Variants in CCDC178 observed in about 807,000 individuals in gnomAD.
The protein encoded by CCDC178 is coiled-coil domain-containing protein 178.
In CCDC178, 126 loss-of-function variants were observed where a neutral mutation model predicts 117.4. That is an observed-to-expected ratio of 1.07 (90% CI 0.93 to 1.24). CCDC178 has a LOEUF of 1.24. Ranked by LOEUF, CCDC178 falls within the 50% of genes most tolerant of loss-of-function variation. The pLI, the probability that CCDC178 is intolerant of heterozygous loss-of-function variation, is 0.00. For synonymous variants in CCDC178, 283 were observed against 313.4 expected, an observed-to-expected ratio of 0.90 and a Z score of 1.02; for missense variants, 1,030 against 986.9, an observed-to-expected ratio of 1.04 and a Z score of -0.59.
chr18:33,168,371 T>C (rs2058558283), intron 20 of CCDC178, among the ~76,000 whole-genome samples: 1 of 152,148 alleles, frequency 6.6e-6, no homozygotes, highest in African/African-American at 2.4e-5. Flanking sequence ...TTTTGTCTAT[T>C]TTGTCGAAGA....
In CCDC178 at chr18:33,439,984, T is replaced by G. The variant is rs2064355802; in HGVS notation, c.-45A>C. 6.6e-6 allele frequency: 1 copy of G among 152,192 alleles called. No individual in the cohort carries two copies. Among genetic ancestry groups the G allele is most frequent in the Non-Finnish European group, 1.5e-5 (1 of 68,052 alleles). The allele number at this position is 152,192 out of a possible 1,614,324, so 9.4% of individuals were successfully genotyped here. ...CACCTGTAAAGGGGAGGTGTTGGCGTGGATCATCTTATTTGGGGTGCTTTC... is the reference window on the plus strand; with the variant it reads ...CACCTGTAAAGGGGAGGTGTTGGCGGGGATCATCTTATTTGGGGTGCTTTC... On this transcript the variant is annotated 5_prime_UTR_variant, in exon 2 of 23. Coordinates refer to ENST00000383096, the MANE Select transcript of CCDC178 (RefSeq NM_001105528.4).
At chr18:33,236,423 T>C (rs1479950340) in intron 15 of CCDC178, among the ~76,000 whole-genome samples, 1 of 152,170 alleles carries the variant, frequency 6.6e-6, no homozygotes, top group Non-Finnish European at 1.5e-5. Flanking sequence ...ATGTGTATAT[T>C]ATAGAAGTTT....
At chr18:33,291,626 T>C (rs553035077) in intron 12 of CCDC178, among the ~76,000 whole-genome samples, 208 of 152,284 alleles carry the variant, frequency 1.4e-3, no homozygotes, top group Non-Finnish European at 2.4e-3. Flanking sequence ...TATTATGTTC[T>C]TATACAACAG....
At chr18:33,119,935 A>T (rs1407845848) in intron 20 of CCDC178, among the ~76,000 whole-genome samples, 1 of 152,102 alleles carries the variant, frequency 6.6e-6, no homozygotes, top group Non-Finnish European at 1.5e-5. Context: ...TATCACAAGG[A>T]CAAAAAATCA....
At chr18:33,185,439 A>G (rs1446532056) in intron 20 of CCDC178, among the ~76,000 whole-genome samples, 3 of 152,056 alleles carry the variant, frequency 2.0e-5, no homozygotes, top group African/African-American at 7.2e-5. Context: ...AACACAGGGG[A>G]AAAAGCACAC....
chr18:32,939,366 A>AT (rs535686837), intron 22 of CCDC178, among the ~76,000 whole-genome samples: 185 of 152,268 alleles, frequency 1.2e-3, no homozygotes, highest in Middle Eastern at 0.01. Context: ...GAAACATTGA[A>AT]AAATCCATCT....
At chr18:33,369,604 A>G (rs1454893467) in intron 6 of CCDC178, among the ~76,000 whole-genome samples, 1 of 152,076 alleles carries the variant, frequency 6.6e-6, no homozygotes, top group Non-Finnish European at 1.5e-5. Context: ...TAACAGGTTA[A>G]AAAGACATAG....
intron 21 of CCDC178, among the ~76,000 whole-genome samples, chr18:33,062,819 C>G (rs1292062126): frequency 4.6e-5 from 7 of 152,268 alleles, no homozygotes; most frequent in African/African-American, 1.7e-4. Flanking sequence ...CCCTTATTTC[C>G]ACATTCCACG....
intron 20 of CCDC178, among the ~76,000 whole-genome samples, chr18:33,167,859 T>G (rs2058551819): frequency 6.6e-6 from 1 of 150,604 alleles, no homozygotes; most frequent in Non-Finnish European, 1.5e-5. Flanking sequence ...AGAGTGAGAC[T>G]CTGTCTCTAA....
At chr18:33,026,523 T>C (rs2056232869) in intron 21 of CCDC178, among the ~76,000 whole-genome samples, 1 of 152,012 alleles carries the variant, frequency 6.6e-6, no homozygotes, top group South Asian at 2.1e-4. Context: ...ATGAGGTTTT[T>C]AGAATAGAAA....
At chr18:33,199,483 C>A (rs1568050698) in intron 20 of CCDC178, among the ~76,000 whole-genome samples, 1 of 152,118 alleles carries the variant, frequency 6.6e-6, no homozygotes, top group Non-Finnish European at 1.5e-5. Flanking sequence ...ACATTTTAAT[C>A]TTAGAATTTA....
rs766432485 is a variant in CCDC178 at position 32,941,077 on chromosome 18, A to AT, written c.2524-2987dup. 2.0e-3 allele frequency among the ~76,000 whole-genome samples: 290 copies of AT among 144,542 alleles called. 1 individual carries two copies. The highest frequency in any genetic ancestry group is 6.1e-3 in the East Asian group (30 of 4,948). The allele number at this position is 144,542 out of a possible 152,430, so 94.8% of individuals were successfully genotyped here. A position where few individuals can be genotyped will look rare whatever the true frequency, so the allele number is the denominator to read the frequency against. On this transcript the variant is annotated intron_variant, in intron 22 of 22. Transcript: ENST00000383096. ...CTAATAGAACTCCTGCAGTTTAATG[A>AT]TTTTTTTTTTTTTTAATTCTGAAAG...
At chr18:33,248,790 G>T (rs903713435) in intron 14 of CCDC178, among the ~76,000 whole-genome samples, 1 of 152,070 alleles carries the variant, frequency 6.6e-6, no homozygotes, top group African/African-American at 2.4e-5. Flanking sequence ...CCAGTAATGG[G>T]ATGGCTGGGT....
chr18:33,186,541 G>A (rs1246170688), intron 20 of CCDC178, among the ~76,000 whole-genome samples: 5 of 152,060 alleles, frequency 3.3e-5, no homozygotes, highest in East Asian at 1.9e-4. Context: ...AAACAAGGAC[G>A]TAGTTGAGGT....
intron 11 of CCDC178, among the ~76,000 whole-genome samples, chr18:33,314,785 A>T (rs1446708703): frequency 6.6e-6 from 1 of 152,184 alleles, no homozygotes; most frequent in African/African-American, 2.4e-5. Context: ...GCTCATAAAT[A>T]ACTCTGCCTT....
At chr18:32,949,126 T>C (rs2054418880) in intron 22 of CCDC178, among the ~76,000 whole-genome samples, 1 of 152,150 alleles carries the variant, frequency 6.6e-6, no homozygotes, top group Non-Finnish European at 1.5e-5. Context: ...CTTATCTTTG[T>C]TCGTCGGCAC....
intron 14 of CCDC178, 46 bp from the exon 15 acceptor site, chr18:33,245,474 A>G (rs2059539417): frequency 4.6e-6 from 6 of 1,312,714 alleles, no homozygotes; most frequent in Non-Finnish European, 6.0e-6. Context: ...ATATAGTGAG[A>G]CAAACATATT....
intron 7 of CCDC178, among the ~76,000 whole-genome samples, chr18:33,351,185 T>C (rs2062974870): frequency 6.7e-6 from 1 of 148,672 alleles, no homozygotes; most frequent in Non-Finnish European, 1.5e-5. Context: ...TGTGTGTGTA[T>C]AGTTTTTGTT....
intron 20 of CCDC178, among the ~76,000 whole-genome samples, chr18:33,169,442 T>C (rs908817544): frequency 6.6e-6 from 1 of 152,170 alleles, no homozygotes; most frequent in Non-Finnish European, 1.5e-5. Flanking sequence ...TCTGCTTCTA[T>C]AACCAGGAGG....
Sources: gnomAD v4.1 joint callset for allele counts (sites outside exome capture counted in the v4.1 genomes callset) on GRCh38, gnomAD v4.1.1 for gene constraint, MANE v1.5 for transcripts, NCBI Gene and HGNC (gene_info 2026-07-23, HGNC 2026-07-21) for gene names.